Variants in DENND5A observed in about 807,000 individuals in gnomAD.
The protein encoded by DENND5A is DENN domain-containing protein 5A.
Under a neutral mutation model 140.3 loss-of-function variants are expected in DENND5A, and 64 were observed. The ratio of observed to expected loss-of-function variants is 0.46; its 90% CI spans 0.37 to 0.56. DENND5A has a LOEUF of 0.56. Among genes scored for constraint, DENND5A ranks in the 20% least tolerant of loss-of-function variants. DENND5A has a pLI of 0.00. For missense variants in DENND5A, 1,292 were observed against 1,593.8 expected, an observed-to-expected ratio of 0.81 and a Z score of 3.22; for synonymous variants, 605 against 607.7, an observed-to-expected ratio of 1.00 and a Z score of 0.07.
chr11:9,257,794 ATTCT>A (rs1196448268), intron 1 of DENND5A, among the ~76,000 whole-genome samples: 1 of 143,078 alleles, frequency 7.0e-6, no homozygotes, highest in Admixed American at 7.0e-5. Context: ...CACACACAGT[ATTCT>A]TTTTTTTTTT....
Position 9,145,753 on chromosome 11 carries a change from T to G in DENND5A, c.2920A>C (p.Asn974His). ...KKLGGSMFTA[N>H]PWICISGELG... ...TCTCCTGATATACAGATCCATGGGT[T>G]GGCAGTGAACATGGAGCCCCCCAGC... The change falls in exon 17 of 23, where the codon AAC (asparagine) becomes CAC (histidine). Residue 974 changes from asparagine (N) to histidine (H), a missense_variant. Around this residue, in one of 4 missense-constraint regions of DENND5A, gnomAD observed 498 missense variants for 689.7 expected, o/e 0.72. Transcript: ENST00000328194. The G allele has an allele frequency of 6.2e-7, 1 of 1,614,158 alleles. No individual in the cohort carries two copies. Among genetic ancestry groups the G allele is most frequent in the Admixed American group, 1.7e-5 (1 of 60,030 alleles).
chr11:9,233,288 A>C (rs1186611612), intron 1 of DENND5A, among the ~76,000 whole-genome samples: 2 of 151,446 alleles, frequency 1.3e-5, no homozygotes, highest in Non-Finnish European at 1.5e-5. Flanking sequence ...AATCCCAGCT[A>C]CTCAGGAGGC....
chr11:9,260,927 C>A (rs1852167622), intron 1 of DENND5A, among the ~76,000 whole-genome samples: 2 of 152,142 alleles, frequency 1.3e-5, no homozygotes, highest in South Asian at 4.1e-4. Flanking sequence ...CAGTTCACTG[C>A]AACCTCTGCC....
intron 3 of DENND5A, 126 bp downstream of exon 3, chr11:9,206,547 C>A: frequency 1.4e-6 from 1 of 707,372 alleles, no homozygotes; most frequent in Non-Finnish European, 2.5e-6. Context: ...AAACAATATG[C>A]ATTATAATCC....
intron 10 of DENND5A, among the ~76,000 whole-genome samples, chr11:9,166,750 T>G (rs1215689654): frequency 6.6e-6 from 1 of 152,066 alleles, no homozygotes; most frequent in Non-Finnish European, 1.5e-5. Flanking sequence ...GAGAATTGCT[T>G]GAACCCGGGA....
rs774021113 is a variant in DENND5A, at chr11:9,178,262, A to G, written c.1776T>C (p.His592=). The part of the protein sequence containing the change: ...ASFIDNKIMC[H]DDDDKDPVLR... ...GTACAGGGTCTTTATCATCATCATC[A>G]TGACACATTATTTTGTTGTCAATGA... is the stretch of plus-strand genomic sequence containing the variant. The change falls in exon 8 of 23, where the codon CAT becomes CAC. Residue 592 remains histidine, a synonymous_variant. Transcript: ENST00000328194. 2 of 1,613,888 alleles carry G rather than the reference A, an allele frequency of 1.2e-6. No homozygotes were observed. The highest frequency in any genetic ancestry group is 2.2e-5 in the South Asian group (2 of 91,070).
chr11:9,171,763 C>G (rs1391787255), intron 8 of DENND5A: 1 of 151,676 alleles, frequency 6.6e-6, no homozygotes, highest in African/African-American at 2.4e-5. Context: ...TTCAGGAGGC[C>G]AAGGCCAGAA....
chr11:9,154,412 TTC>T (rs1223024220), intron 12 of DENND5A, among the ~76,000 whole-genome samples: 1 of 152,184 alleles, frequency 6.6e-6, no homozygotes, highest in Non-Finnish European at 1.5e-5. Flanking sequence ...AAGTTATACT[TTC>T]TGAGGAAAAT....
At chr11:9,202,391 C>T (rs1849551318) in intron 4 of DENND5A, among the ~76,000 whole-genome samples, 1 of 151,998 alleles carries the variant, frequency 6.6e-6, no homozygotes, top group Admixed American at 6.6e-5. Context: ...AGGAAATAAA[C>T]ACATGAGAAT....
chr11:9,170,885 C>G (rs1328241840), intron 8 of DENND5A, 108 bp from the exon 9 acceptor site: 1 of 1,538,826 alleles, frequency 6.5e-7, no homozygotes, highest in African/African-American at 1.4e-5. Context: ...CCATTTCCAG[C>G]CAAGATAGAG....
At chr11:9,192,668 C>CA (rs1849176466) in intron 5 of DENND5A, among the ~76,000 whole-genome samples, 2 of 151,700 alleles carry the variant, frequency 1.3e-5, no homozygotes, top group Admixed American at 6.6e-5. Flanking sequence ...ACTCTACCCC[C>CA]AAAAAAATGG....
intron 7 of DENND5A, 96 bp from the exon 8 acceptor site, chr11:9,178,462 T>C: frequency 1.3e-6 from 1 of 755,176 alleles, no homozygotes; most frequent in Non-Finnish European, 2.2e-6. Context: ...TGAGGCTGCC[T>C]AGGTCTTTAA....
intron 1 of DENND5A, among the ~76,000 whole-genome samples, chr11:9,234,885 T>C (rs1850936851): frequency 6.6e-6 from 1 of 152,152 alleles, no homozygotes. Flanking sequence ...TAAATCTCTG[T>C]TCAAGGCTCT....
intron 1 of DENND5A, among the ~76,000 whole-genome samples, chr11:9,238,833 CTT>C (rs35267899): frequency 2.0e-4 from 28 of 142,026 alleles, no homozygotes; most frequent in Admixed American, 3.6e-4. Context: ...TTTCTTTTTT[CTT>C]TTTTTTTTTT....
chr11:9,155,618 T>A (rs1234703137), intron 12 of DENND5A, among the ~76,000 whole-genome samples: 1 of 152,244 alleles, frequency 6.6e-6, no homozygotes, highest in Non-Finnish European at 1.5e-5. Context: ...AGCCTGACTA[T>A]CCATTTATGG....
intron 22 of DENND5A, 79 bp from the exon 23 acceptor site, chr11:9,139,933 G>C: frequency 7.1e-7 from 1 of 1,408,260 alleles, no homozygotes. Flanking sequence ...AGGCCAAGGG[G>C]GAAACCATGA....
intron 1 of DENND5A, among the ~76,000 whole-genome samples, chr11:9,211,253 C>A (rs932570135): frequency 9.9e-5 from 15 of 152,106 alleles, no homozygotes; most frequent in African/African-American, 2.9e-4. Flanking sequence ...GAGAGAACCA[C>A]AGAAGGGAAG....
chr11:9,170,068 A>G, intron 9 of DENND5A, 119 bp from the exon 10 acceptor site: 1 of 866,652 alleles, frequency 1.2e-6, no homozygotes, highest in African/African-American at 1.7e-5. Context: ...AATGACCTAG[A>G]TGTCACCAGA....
At chr11:9,170,953 T>C in intron 8 of DENND5A, 176 bp from the exon 9 acceptor site, 1 of 1,138,078 alleles carries the variant, frequency 8.8e-7, no homozygotes, top group South Asian at 1.7e-5. Flanking sequence ...TAATATAAAA[T>C]GATAAACTTC....
Sources: gnomAD v4.1 joint callset for allele counts (sites outside exome capture counted in the v4.1 genomes callset) on GRCh38, gnomAD v4.1.1 for gene constraint, gnomAD v4.1.1 regional missense constraint, MANE v1.5 for transcripts, NCBI Gene and HGNC (gene_info 2026-07-23, HGNC 2026-07-21) for gene names.